KLHL14: variants seen among roughly 807,000 people sequenced by gnomAD.
KLHL14 encodes kelch like family member 14.
A neutral mutation model predicts 64.3 loss-of-function variants in KLHL14; 22 were observed. The ratio of observed to expected loss-of-function variants is 0.34; its 90% confidence interval spans 0.24 to 0.49. The LOEUF (loss-of-function observed/expected upper bound fraction) is 0.49. Ranked by LOEUF, KLHL14 falls within the 20% of genes least tolerant of loss-of-function variation. The probability of loss-of-function intolerance (pLI) is 0.99; values close to 1 mark genes in which losing one functional copy is unlikely to be tolerated. For synonymous variants in KLHL14, 322 were observed against 333.4 expected (o/e 0.97, Z 0.37); for missense variants, 661 against 789.0 (o/e 0.84, Z 1.94).
At chr18:32,769,585 C>T in intron 2 of KLHL14, 60 bp downstream of exon 2, 1 of 569,814 alleles carries the variant, frequency 1.8e-6, no homozygotes, top group Admixed American at 3.6e-5. Context: ...CCCCTCCCCT[C>T]CCTCCGGCCT....
At chr18:32,735,972 A>C (rs780723827) in intron 3 of KLHL14, among the ~76,000 whole-genome samples, 11 of 152,216 alleles carry the variant, frequency 7.2e-5, no homozygotes, top group Non-Finnish European at 1.2e-4. Context: ...TAATTTGCCC[A>C]GGAATGACAC....
intron 3 of KLHL14, among the ~76,000 whole-genome samples, chr18:32,732,673 C>T (rs1406667523): frequency 6.6e-6 from 1 of 152,160 alleles, no homozygotes; most frequent in Non-Finnish European, 1.5e-5. Flanking sequence ...AGATGTGGAA[C>T]AGGCTCCCAG....
chr18:32,764,201 T>A (rs2050328782), intron 2 of KLHL14, among the ~76,000 whole-genome samples: 1 of 152,182 alleles, frequency 6.6e-6, no homozygotes, highest in African/African-American at 2.4e-5. Flanking sequence ...TCGAAATGAT[T>A]AAAATATCAT....
intron 2 of KLHL14, 106 bp downstream of exon 2, chr18:32,769,539 C>G: frequency 9.7e-7 from 1 of 1,033,494 alleles, no homozygotes; most frequent in Non-Finnish European, 1.3e-6. Flanking sequence ...GCCAGAGCCA[C>G]CCGCCCAGGC....
intron 3 of KLHL14, among the ~76,000 whole-genome samples, chr18:32,716,140 A>T (rs1382005245): frequency 6.6e-6 from 1 of 152,196 alleles, no homozygotes; most frequent in African/African-American, 2.4e-5. Context: ...ATAATGATAA[A>T]TGATGACTAT....
rs143788716 is a variant in KLHL14 at position 32,727,414 on chromosome 18, A to G, written c.1069+14514T>C. ...AGCAAATGAACTGGGCATTAAAGAT[A>G]CATTTAAATTATGAGAACCATCATG... On this transcript the variant is annotated intron_variant, in intron 3 of 8. Transcript: ENST00000359358. Among the ~76,000 whole-genome samples, 94 of 152,360 alleles carry G rather than the reference A, an allele frequency of 6.2e-4. 3 individuals carry two copies. The highest frequency in any genetic ancestry group is 3.7e-3 in the Admixed American group (56 of 15,304).
At chr18:32,677,995 T>A (rs2144463233) in intron 7 of KLHL14, among the ~76,000 whole-genome samples, 1 of 152,350 alleles carries the variant, frequency 6.6e-6, no homozygotes, top group Non-Finnish European at 1.5e-5. Flanking sequence ...AATTTGACTA[T>A]GTTTATAAAC....
intron 2 of KLHL14, among the ~76,000 whole-genome samples, chr18:32,755,588 CCTAT>C (rs1243686840): frequency 6.6e-6 from 1 of 152,106 alleles, no homozygotes; most frequent in African/African-American, 2.4e-5. Flanking sequence ...AGTATTTTCT[CCTAT>C]CTTTTATAGA....
rs2049850455 is a variant in KLHL14, at chr18:32,683,019, C to A, written c.1239-2420G>T. 6.6e-6 allele frequency among the ~76,000 whole-genome samples: 1 copy of A among 152,122 alleles called. No individual in the cohort carries two copies. The highest frequency in any genetic ancestry group is 2.1e-4 in the South Asian group (1 of 4,820). ...TAGAAGAAAAGATGCCACTTAGTCA[C>A]AACAAGTATGAAAACCTTCTATTTA... On this transcript the variant is annotated intron_variant, in intron 5 of 8. Coordinates refer to ENST00000359358, the MANE Select transcript of KLHL14 (RefSeq NM_020805.3). This position sits in a 1 kb window ranked among gnomAD's most constrained non-coding sequence, Gnocchi z 4.2.
intron 3 of KLHL14, among the ~76,000 whole-genome samples, chr18:32,740,133 T>A (rs1476957994): frequency 6.6e-6 from 1 of 152,118 alleles, no homozygotes; most frequent in East Asian, 1.9e-4. Flanking sequence ...TCTTCCTACA[T>A]CCCTCCAAGC....
intron 3 of KLHL14, among the ~76,000 whole-genome samples, chr18:32,709,453 T>C (rs1598558205): frequency 6.7e-6 from 1 of 148,686 alleles, no homozygotes; most frequent in Admixed American, 6.7e-5. Flanking sequence ...CCTTTAGAAT[T>C]TTTTTTTTTT....
intron 3 of KLHL14, among the ~76,000 whole-genome samples, chr18:32,725,078 A>G (rs998233902): frequency 5.3e-5 from 8 of 151,972 alleles, no homozygotes; most frequent in Non-Finnish European, 1.0e-4. Flanking sequence ...GCACTGGCAC[A>G]ATCAGAGATC....
chr18:32,695,481 C>A lies in KLHL14; in HGVS notation c.1141G>T (p.Asp381Tyr). ...ENFLFVLGGEDQWNPNGKHST... is the reference protein window; with the variant it reads ...ENFLFVLGGEYQWNPNGKHST... ...TAGTTACCATTCGGATTCCACTGGTCCTCTCCACCCAACACGAACAAGAAG... is the reference window on the plus strand; with the variant it reads ...TAGTTACCATTCGGATTCCACTGGTACTCTCCACCCAACACGAACAAGAAG... Residue 381 changes from aspartate (D) to tyrosine (Y), a missense_variant, in exon 4 of 9, where the codon GAC becomes TAC. By Grantham distance (160) the Asp-to-Tyr change is radical (BLOSUM62 -3). Around this residue, in one of 2 missense-constraint regions of KLHL14, gnomAD observed 330 missense variants for 450.0 expected, o/e 0.73. Coordinates refer to ENST00000359358, the MANE Select transcript of KLHL14 (RefSeq NM_020805.3). 1 of 1,611,484 alleles carries A rather than the reference C, an allele frequency of 6.2e-7. No homozygotes were observed. The highest frequency in any genetic ancestry group is 8.5e-7 in the Non-Finnish European group (1 of 1,177,802).
chr18:32,772,094 G>GCGCCGGCCCGCCCGCGCGCCGGCC (rs1555667936), intron 1 of KLHL14: 1 of 227,672 alleles, frequency 4.4e-6, no homozygotes, highest in East Asian at 1.7e-4. Context: ...TCCCGCCCGC[G>GCGCCGGCCCGCCCGCGCGCCGGCC]CGCCGGCCCG....
chr18:32,712,910 T>G (rs1598559592), intron 3 of KLHL14, among the ~76,000 whole-genome samples: 1 of 152,134 alleles, frequency 6.6e-6, no homozygotes, highest in Admixed American at 6.5e-5. Context: ...TTCCAGGAGA[T>G]CATTTTCTCT....
Position 32,711,443 on chromosome 18 carries a change from G to T in KLHL14, c.1070-15891C>A, listed in dbSNP as rs112289655. Among the ~76,000 whole-genome samples the T allele has an allele frequency of 9.8e-3, 1,495 of 152,158 alleles. 26 individuals carry two copies. The highest frequency in any genetic ancestry group is 0.029 in the African/African-American group (1,224 of 41,510). On this transcript the variant is annotated intron_variant, in intron 3 of 8. Transcript: ENST00000359358. ...CCTATTCAATACAAATCTATTCAATGGTATTGTGTTTACAGTACAAATCTA... is the reference window on the plus strand; with the variant it reads ...CCTATTCAATACAAATCTATTCAATTGTATTGTGTTTACAGTACAAATCTA...
At chr18:32,734,371 A>C (rs972199644) in intron 3 of KLHL14, 8 of 646,490 alleles carry the variant, frequency 1.2e-5, no homozygotes, top group Non-Finnish European at 2.0e-5. Context: ...TGGATCCCTG[A>C]ATGACTCTGT....
intron 3 of KLHL14, among the ~76,000 whole-genome samples, chr18:32,728,905 G>A (rs2050120627): frequency 6.6e-6 from 1 of 152,162 alleles, no homozygotes. Flanking sequence ...AGTTAGGAAG[G>A]AGGAAGGAAG....
intron 3 of KLHL14, among the ~76,000 whole-genome samples, chr18:32,706,330 G>C (rs2049990159): frequency 1.3e-5 from 2 of 152,178 alleles, no homozygotes; most frequent in African/African-American, 4.8e-5. Context: ...ATGAGGCCTA[G>C]AGTCATCTTT....
Sources: allele counts gnomAD v4.1 joint callset (sites outside exome capture counted in the v4.1 genomes callset), GRCh38; gene constraint gnomAD v4.1.1; regional missense constraint gnomAD v4.1.1; non-coding constraint Gnocchi (gnomAD v3.1); transcripts MANE v1.5; gene names NCBI Gene and HGNC (gene_info 2026-07-23, HGNC 2026-07-21).